The following RBBP7 variants were observed in gnomAD, a reference collection of about 807,000 sequenced individuals.
RBBP7 encodes RB binding protein 7, chromatin remodeling factor, also known as histone-binding protein RBBP7.
Under a neutral mutation model 35.2 loss-of-function variants are expected in RBBP7, and 5 were observed. The ratio of observed to expected loss-of-function variants is 0.14; its 90% CI spans 0.07 to 0.30. RBBP7 has a LOEUF of 0.30. Among genes scored for constraint, RBBP7 ranks in the 10% least tolerant of loss-of-function variants. The probability of loss-of-function intolerance (pLI) is 1.00; values close to 1 mark genes in which losing one functional copy is unlikely to be tolerated. For synonymous variants in RBBP7, 140 were observed against 118.7 expected (o/e 1.18, Z -1.17); for missense variants, 155 against 327.5 (o/e 0.47, Z 4.07).
At chrX:16,859,531 T>C (rs187767106) in intron 3 of RBBP7, among the ~76,000 whole-genome samples, 6 of 112,414 alleles carry the variant, frequency 5.3e-5, no homozygotes, top group African/African-American at 1.6e-4. Context: ...TTCCAAGAAG[T>C]AGCAACATGT....
At chrX:16,869,287 A>C in intron 1 of RBBP7, 67 bp from the exon 2 acceptor site, 5 of 1,133,850 alleles carry the variant, frequency 4.4e-6, no homozygotes, top group Non-Finnish European at 5.9e-6. Flanking sequence ...ATTGGAGGTC[A>C]CCTCAAGATG....
In RBBP7 at chrX:16,870,097, C is replaced by A; in HGVS notation, c.-44G>T. ...CCCCTCGCCGCCGCCTCGGACTCCT[C>A]TCGTTAGCCAAGAGCAGCCCGACCG... is the stretch of plus-strand genomic sequence containing the variant. On this transcript the variant is annotated 5_prime_UTR_variant, in exon 1 of 12. Coordinates refer to ENST00000380087, the MANE Select transcript of RBBP7 (RefSeq NM_002893.4). 2 of 1,072,769 alleles carry A rather than the reference C, an allele frequency of 1.9e-6. No homozygotes were observed. The highest frequency in any genetic ancestry group is 1.9e-5 in the African/African-American group (1 of 52,019). 88.4% of individuals were successfully genotyped at this position (1,072,769 alleles called of 1,213,427 possible).
At chrX:16,851,115 T>C (rs1191198163) in intron 9 of RBBP7, among the ~76,000 whole-genome samples, 8 of 79,353 alleles carry the variant, frequency 1.0e-4, no homozygotes, top group Non-Finnish European at 1.4e-4. Flanking sequence ...CAGAGCAAGA[T>C]TCAGTCTCCA....
At chrX:16,851,844 G>A (rs918239924) in intron 9 of RBBP7, among the ~76,000 whole-genome samples, 3 of 112,503 alleles carry the variant, frequency 2.7e-5, no homozygotes, top group Non-Finnish European at 3.7e-5. Context: ...ACTCACACTA[G>A]AGAAATTTAT....
At chrX:16,845,378 AG>A (rs1484952784) in intron 11 of RBBP7, among the ~76,000 whole-genome samples, 1 of 112,264 alleles carries the variant, frequency 8.9e-6, no homozygotes, top group Non-Finnish European at 1.9e-5. Flanking sequence ...CATCGTTTAG[AG>A]GAAGTGGTAG....
chrX:16,864,456 T>C (rs764940229), intron 2 of RBBP7, among the ~76,000 whole-genome samples: 3 of 101,586 alleles, frequency 3.0e-5, no homozygotes, highest in Non-Finnish European at 5.9e-5. Context: ...GAGGTGGAGG[T>C]TGTGGTGAGT....
At chrX:16,860,762 A>G (rs1326771075) in intron 3 of RBBP7, among the ~76,000 whole-genome samples, 1 of 111,851 alleles carries the variant, frequency 8.9e-6, no homozygotes. Flanking sequence ...GCTACTTGTT[A>G]GAATACACTG....
At chrX:16,863,809 C>G (rs1344514058) in intron 2 of RBBP7, among the ~76,000 whole-genome samples, 2 of 111,933 alleles carry the variant, frequency 1.8e-5, no homozygotes, top group Non-Finnish European at 1.9e-5. Flanking sequence ...GGCTGAAGAA[C>G]TTGCCCAAAC....
intron 5 of RBBP7, among the ~76,000 whole-genome samples, chrX:16,855,856 G>A (rs1930334360): frequency 9.2e-6 from 1 of 108,435 alleles, no homozygotes; most frequent in Non-Finnish European, 1.9e-5. Context: ...AATTTGCTGG[G>A]TGTGGTGGTG....
intron 10 of RBBP7, chrX:16,846,595 A>T (rs1930083566): frequency 8.9e-6 from 1 of 112,157 alleles, no homozygotes; most frequent in African/African-American, 3.2e-5. Flanking sequence ...TTCTGAAGAG[A>T]GCAGTTGTTC....
At chrX:16,867,607 A>G (rs1265911724) in intron 2 of RBBP7, among the ~76,000 whole-genome samples, 2 of 111,613 alleles carry the variant, frequency 1.8e-5, no homozygotes, top group Non-Finnish European at 3.8e-5. Context: ...TATAGAAATC[A>G]ATGTTTGCAT....
chrX:16,861,688 T>C (rs978109476), intron 3 of RBBP7, among the ~76,000 whole-genome samples: 1 of 111,470 alleles, frequency 9.0e-6, no homozygotes, highest in Non-Finnish European at 1.9e-5. Context: ...AAGGCACATA[T>C]TAGAAAGTGC....
intron 10 of RBBP7, chrX:16,846,865 A>G (rs1930091147): frequency 1.8e-5 from 2 of 112,126 alleles, no homozygotes; most frequent in Non-Finnish European, 3.8e-5. Context: ...GGTAAAACTC[A>G]CGCCTGTAAT....
chrX:16,855,867 G>A (rs1288281647), intron 5 of RBBP7, among the ~76,000 whole-genome samples: 1 of 107,706 alleles, frequency 9.3e-6, no homozygotes, highest in East Asian at 2.9e-4. Flanking sequence ...TGTGGTGGTG[G>A]GCGCCTGTAG....
In RBBP7 at chrX:16,845,050, C is replaced by T. The variant is rs747677478; in HGVS notation, c.1263G>A (p.Glu421=). ...TACTTTGGGTTTAAGATCCTTGTCC[C>T]TCCAGTTCGGATGTCGTGACATCTG... ...EESDVTTSEL[E]GQGS The change falls in exon 12 of 12, where the codon GAG becomes GAA. Residue 421 remains glutamate, a synonymous_variant. Transcript: ENST00000380087. 1 of 1,207,549 alleles carries T rather than the reference C, an allele frequency of 8.3e-7. No homozygotes were observed. The highest frequency in any genetic ancestry group is 1.7e-5 in the African/African-American group (1 of 57,226).
chrX:16,864,542 A>AAAAAAAAAAAAGAAAAAG (rs1569063331), intron 2 of RBBP7, among the ~76,000 whole-genome samples: 1 of 40,711 alleles, frequency 2.5e-5, no homozygotes, highest in African/African-American at 1.1e-4. Context: ...AAAAAAAAAA[A>AAAAAAAAAAAAGAAAAAG]AAAAAGAAAA....
rs754398259 is a variant in RBBP7, at chrX:16,855,995, C to CAA, written c.597+1597_597+1598dup. On this transcript the variant is annotated intron_variant, in intron 5 of 11. Transcript: ENST00000380087. ...TGGGTGACAGAGCAAGACCTTGTCTCAAAAAAAAAAAAAAAAAAAAAAAAA... is the reference window on the plus strand; with the variant it reads ...TGGGTGACAGAGCAAGACCTTGTCTCAAAAAAAAAAAAAAAAAAAAAAAAAAA... 9.0e-3 allele frequency among the ~76,000 whole-genome samples: 144 copies of CAA among 15,973 alleles called. 23 individuals carry two copies. The highest frequency in any genetic ancestry group is 0.015 in the East Asian group (5 of 335). 13.9% of individuals were successfully genotyped at this position (15,973 alleles called of 115,157 possible).
At position 16,870,176 on chromosome X, in the gene RBBP7, G is replaced by A. The variant is rs781046494; in HGVS notation, c.-123C>T. 38 of 867,360 alleles carry A rather than the reference G, an allele frequency of 4.4e-5. No homozygotes were observed. The highest frequency in any genetic ancestry group is 5.3e-5 in the Non-Finnish European group (37 of 698,791). 71.5% of individuals were successfully genotyped at this position (867,360 alleles called of 1,213,427 possible). A position where few individuals can be genotyped will look rare whatever the true frequency, so the allele number is the denominator to read the frequency against. ...CACACTCCCCACTGTCGAAAGCCCG[G>A]GCCCCGTCTTGCTGCCTGGGTGCTC... is the stretch of plus-strand genomic sequence containing the variant. On this transcript the variant is annotated 5_prime_UTR_variant, in exon 1 of 12. Coordinates refer to ENST00000380087, the MANE Select transcript of RBBP7 (RefSeq NM_002893.4).
intron 2 of RBBP7, among the ~76,000 whole-genome samples, chrX:16,866,554 A>AAAAAAAAGAAAG (rs1569063906): frequency 5.2e-5 from 3 of 57,673 alleles, no homozygotes; most frequent in African/African-American, 2.2e-4. Context: ...AAAAAAAAAA[A>AAAAAAAAGAAAG]AAAGAAAGAA....
Sources: allele counts gnomAD v4.1 joint callset (sites outside exome capture counted in the v4.1 genomes callset), GRCh38; gene constraint gnomAD v4.1.1; transcripts MANE v1.5; gene names NCBI Gene and HGNC (gene_info 2026-07-23, HGNC 2026-07-21).